Variants in RNF213 observed in about 807,000 individuals in gnomAD.
RNF213 encodes the protein E3 ubiquitin-protein ligase RNF213.
Under a neutral mutation model 514.4 loss-of-function variants are expected in RNF213, and 341 were observed. The observed-to-expected ratio is 0.66, with a 90% CI of 0.61 to 0.73. The LOEUF (loss-of-function observed/expected upper bound fraction) is 0.73. RNF213 is among the 30% of genes least tolerant of loss of function. The pLI, the probability that RNF213 is intolerant of heterozygous loss-of-function variation, is 0.00. For missense variants in RNF213, 5,767 were observed against 6,615.6 expected (o/e 0.87, Z 4.45); for synonymous variants, 2,655 against 2,658.2 (o/e 1.00, Z 0.04).
Position 80,287,987 on chromosome 17 carries a change from G to C in RNF213, c.434G>C (p.Gly145Ala). The change falls in exon 4 of 68, where the codon GGC becomes GCC. Residue 145 changes from glycine (G) to alanine (A), a missense_variant. Transcript: ENST00000582970. ...HSQAQQSGPT[G>A]QPSQPPGTAT... Reference sequence around the variant, plus strand: ...CAAGCCCAGCAGAGTGGCCCCACTGGCCAGCCGAGCCAGCCCCCAGGCACA... The same window carrying C: ...CAAGCCCAGCAGAGTGGCCCCACTGCCCAGCCGAGCCAGCCCCCAGGCACA... The C allele has an allele frequency of 6.3e-7, 1 of 1,577,902 alleles. No individual in the cohort carries two copies. The highest frequency in any genetic ancestry group is 8.6e-7 in the Non-Finnish European group (1 of 1,162,798).
At chr17:80,281,355 T>C (rs1598910312) in intron 3 of RNF213, among the ~76,000 whole-genome samples, 5 of 50,550 alleles carry the variant, frequency 9.9e-5, no homozygotes, top group African/African-American at 1.7e-4. Context: ...CACACCCCAC[T>C]CACACACACC....
At chr17:80,391,109 G>T (rs764214281) in intron 67 of RNF213, among the ~76,000 whole-genome samples, 8 of 152,178 alleles carry the variant, frequency 5.3e-5, no homozygotes, top group Non-Finnish European at 8.8e-5. Flanking sequence ...AATGTATAAA[G>T]AGTGTATGAG....
chr17:80,355,746 C>CA (rs1223383368), intron 36 of RNF213, among the ~76,000 whole-genome samples: 4 of 68,964 alleles, frequency 5.8e-5, no homozygotes, highest in African/African-American at 2.2e-4. Context: ...TGGGGGCTCA[C>CA]GGAGGAAGAA....
chr17:80,383,859 C>T lies in RNF213; in HGVS notation c.14253C>T (p.Tyr4751=). Residue 4751 remains tyrosine, a synonymous_variant, in exon 59 of 68, where the codon TAC becomes TAT. Transcript: ENST00000582970. ...GCAGGAAAAGAATTACAGTTGAGTA[C>T]CTCCAGCACATTGTGGAACAGAAAA... ...WSCRKRITVE[Y]LQHIVEQKNG... 6.2e-7 allele frequency: 1 copy of T among 1,614,126 alleles called. No homozygotes were observed. The highest frequency in any genetic ancestry group is 2.2e-5 in the East Asian group (1 of 44,892).
chr17:80,385,229 C>T, intron 60 of RNF213, 58 bp downstream of exon 60: 4 of 1,603,750 alleles, frequency 2.5e-6, no homozygotes, highest in Non-Finnish European at 3.4e-6. Context: ...TCGAAAGGAT[C>T]ACTGCATAGG....
intron 61 of RNF213, 134 bp downstream of exon 61, chr17:80,385,755 C>G: frequency 1.3e-6 from 1 of 777,598 alleles, no homozygotes; most frequent in East Asian, 2.8e-5. Flanking sequence ...TGGAGTCTTG[C>G]TCTGTCGCCA....
In RNF213 at chr17:80,313,051, GTCCAAACAGTCT is replaced by G; in HGVS notation, c.2701_2712del (p.Thr901_Gln904del). ...GAGAGATGAAACTGGAAATAATTCA[GTCCAAACAGTCT>G]TCCAAGGGACCCTTGCTGCTACGAA... On this transcript the variant is annotated inframe_deletion, in exon 15 of 68. Transcript: ENST00000582970. The G allele has an allele frequency of 6.2e-7, 1 of 1,614,040 alleles. No homozygotes were observed.
intron 3 of RNF213, among the ~76,000 whole-genome samples, chr17:80,276,893 A>G (rs1311019186): frequency 1.3e-5 from 2 of 151,722 alleles, no homozygotes. Context: ...TCTACTAAAA[A>G]TACAAAAAAA....
intron 29 of RNF213, 50 bp downstream of exon 29, chr17:80,348,336 T>C (rs909022495): frequency 6.2e-7 from 1 of 1,600,424 alleles, no homozygotes; most frequent in African/African-American, 1.3e-5. Flanking sequence ...CCAAGAGTCC[T>C]AAATCCCTCG....
intron 16 of RNF213, among the ~76,000 whole-genome samples, chr17:80,318,151 C>G (rs2046009880): frequency 6.6e-6 from 1 of 152,174 alleles, no homozygotes; most frequent in East Asian, 1.9e-4. Flanking sequence ...TCTCTCACTA[C>G]CAAGTCTGGG....
In RNF213 at chr17:80,264,741, C is replaced by T. The variant is rs1005230537; in HGVS notation, c.97+963C>T. 1.3e-5 allele frequency among the ~76,000 whole-genome samples: 2 copies of T among 152,102 alleles called. No individual in the cohort carries two copies. Among genetic ancestry groups the T allele is most frequent in the African/African-American group, 2.4e-5 (1 of 41,424 alleles). ...AAACCACAGACCCCCTTACAAGATC[C>T]GCCCCTGCCCCCGCTGTAACTCAGG... is the stretch of plus-strand genomic sequence containing the variant. On this transcript the variant is annotated intron_variant, in intron 2 of 67. Coordinates refer to ENST00000582970, the MANE Select transcript of RNF213 (RefSeq NM_001256071.3). This position sits in a 1 kb window ranked among gnomAD's most constrained non-coding sequence, Gnocchi z 5.0.
chr17:80,377,308 C>G lies in RNF213; in HGVS notation c.13510+345C>G, dbSNP rs1307568538. On this transcript the variant is annotated intron_variant, in intron 53 of 67. Transcript: ENST00000582970. The surrounding 1 kb of genome is among the most constrained non-coding windows in gnomAD (Gnocchi z 4.1). ...ACAAAACAAAGTTTTTGACACAAAGCTCTTCTGAAATATATGAAATATAGA... is the reference window on the plus strand; with the variant it reads ...ACAAAACAAAGTTTTTGACACAAAGGTCTTCTGAAATATATGAAATATAGA... 20 of 399,720 alleles carry G rather than the reference C, an allele frequency of 5.0e-5. No individual in the cohort carries two copies. The highest frequency in any genetic ancestry group is 2.5e-5 in the South Asian group (1 of 40,808). The allele number at this position is 399,720 out of a possible 1,614,324, so 24.8% of individuals were successfully genotyped here.
intron 67 of RNF213, among the ~76,000 whole-genome samples, chr17:80,391,616 G>C (rs1248787912): frequency 6.6e-6 from 1 of 151,980 alleles, no homozygotes; most frequent in Non-Finnish European, 1.5e-5. Flanking sequence ...CATAGAACAG[G>C]GGTTCATCTT....
intron 67 of RNF213, 71 bp from the exon 68 acceptor site, chr17:80,393,274 T>A: frequency 7.8e-7 from 1 of 1,279,536 alleles, no homozygotes; most frequent in Non-Finnish European, 1.1e-6. Flanking sequence ...AGCCACACAG[T>A]GCTGGGCTTA....
intron 36 of RNF213, among the ~76,000 whole-genome samples, chr17:80,356,104 C>T (rs922122719): frequency 6.6e-6 from 1 of 151,850 alleles, no homozygotes; most frequent in Non-Finnish European, 1.5e-5. Flanking sequence ...TGGGTTCAAG[C>T]GATTCTCCTG....
intron 12 of RNF213, 36 bp from the exon 13 acceptor site, chr17:80,307,092 T>A (rs2045388051): frequency 6.3e-7 from 1 of 1,599,902 alleles, no homozygotes; most frequent in South Asian, 1.1e-5. Flanking sequence ...TGTGATTCAA[T>A]CTTTTGTCCT....
chr17:80,293,798 G>A (rs1033796344), intron 8 of RNF213, among the ~76,000 whole-genome samples: 12 of 152,108 alleles, frequency 7.9e-5, no homozygotes, highest in African/African-American at 2.9e-4. Context: ...CTGCACTCCA[G>A]CCTGGGCGAC....
At chr17:80,292,040 G>C (rs1270195321) in intron 8 of RNF213, 5 of 629,322 alleles carry the variant, frequency 7.9e-6, no homozygotes, top group Non-Finnish European at 1.4e-5. Flanking sequence ...TCTCCTTTGA[G>C]CTCAGTGTGA....
chr17:80,313,710 A>ATGGAGGTGGTGGTGG, intron 15 of RNF213, among the ~76,000 whole-genome samples: 1 of 44,710 alleles, frequency 2.2e-5, no homozygotes, highest in Non-Finnish European at 4.8e-5. Flanking sequence ...GATGGTGGTG[A>ATGGAGGTGGTGGTGG]TGGAGGTGGT....
Sources: gnomAD v4.1 joint callset for allele counts (sites outside exome capture counted in the v4.1 genomes callset) on GRCh38, gnomAD v4.1.1 for gene constraint, Gnocchi (gnomAD v3.1) non-coding constraint, MANE v1.5 for transcripts, NCBI Gene and HGNC (gene_info 2026-07-23, HGNC 2026-07-21) for gene names.